The following NECAB1 variants were observed in gnomAD, a reference collection of about 807,000 sequenced individuals.
NECAB1 encodes the protein N-terminal EF-hand calcium-binding protein 1.
A neutral mutation model predicts 57.5 loss-of-function variants in NECAB1; 29 were observed. That is an observed-to-expected ratio of 0.50 (90% confidence interval 0.38 to 0.69). NECAB1 has a LOEUF of 0.69. Among genes scored for constraint, NECAB1 ranks in the 30% least tolerant of loss-of-function variants. The pLI, the probability that NECAB1 is intolerant of heterozygous loss-of-function variation, is 0.00. For synonymous variants in NECAB1, 142 were observed against 147.7 expected (o/e 0.96, Z 0.28); for missense variants, 372 against 413.8 (o/e 0.90, Z 0.88).
intron 10 of NECAB1, among the ~76,000 whole-genome samples, chr8:90,947,608 C>T (rs1381651024): frequency 6.6e-6 from 1 of 152,110 alleles, no homozygotes; most frequent in Non-Finnish European, 1.5e-5. Context: ...ACCATGTTGG[C>T]CAGGCTGGCC....
chr8:90,876,046 A>G (rs1205581213), intron 4 of NECAB1, among the ~76,000 whole-genome samples: 3 of 151,944 alleles, frequency 2.0e-5, no homozygotes, highest in Non-Finnish European at 4.4e-5. Flanking sequence ...AAGTAAAATA[A>G]AATAACTGAG....
At position 90,803,169 on chromosome 8, in the gene NECAB1, T is replaced by G. The variant is rs543036855; in HGVS notation, c.124+1454T>G. ...TCTTCGGCCTCCCAAAGTGCCGGGA[T>G]TACAAGCATGGGCCACTGCACCCGG... is the stretch of plus-strand genomic sequence containing the variant. On this transcript the variant is annotated intron_variant, in intron 2 of 12. Coordinates refer to ENST00000417640, the MANE Select transcript of NECAB1 (RefSeq NM_022351.5). Among the ~76,000 whole-genome samples, 139 of 152,300 alleles carry G rather than the reference T, an allele frequency of 9.1e-4. 1 individual carries two copies. Among genetic ancestry groups the G allele is most frequent in the African/African-American group, 3.2e-3 (134 of 41,566 alleles).
At chr8:90,952,419 A>C (rs1355414450) in intron 12 of NECAB1, among the ~76,000 whole-genome samples, 2 of 152,150 alleles carry the variant, frequency 1.3e-5, no homozygotes, top group Admixed American at 6.5e-5. Flanking sequence ...GGAAACCAAA[A>C]GAGTAAAATG....
At position 90,791,870 on chromosome 8, in the gene NECAB1, C is replaced by T. The variant is rs1391330008; in HGVS notation, c.-17C>T. On this transcript the variant is annotated 5_prime_UTR_variant, in exon 1 of 13. Coordinates refer to ENST00000417640, the MANE Select transcript of NECAB1 (RefSeq NM_022351.5). The stretch of plus-strand genomic sequence containing the variant: ...CGCCTAGCCCCGCTCCGCCTGAGGC[C>T]GTCAGGGCTCCCGAGGATGGAAGAT... The T allele has an allele frequency of 4.5e-6, 7 of 1,545,452 alleles. No homozygotes were observed. The highest frequency in any genetic ancestry group is 1.9e-4 in the Middle Eastern group (1 of 5,280).
At chr8:90,913,982 A>G in intron 5 of NECAB1, among the ~76,000 whole-genome samples, 1 of 152,188 alleles carries the variant, frequency 6.6e-6, no homozygotes, top group East Asian at 1.9e-4. Flanking sequence ...AATGTCTACA[A>G]CCAGCAAGGG....
At chr8:90,920,510 C>T (rs750393141) in intron 6 of NECAB1, among the ~76,000 whole-genome samples, 9 of 152,156 alleles carry the variant, frequency 5.9e-5, no homozygotes, top group Non-Finnish European at 1.3e-4. Context: ...CCAGTGAAAA[C>T]GCCTGATGGG....
intron 2 of NECAB1, among the ~76,000 whole-genome samples, chr8:90,811,797 A>C (rs1479750571): frequency 6.6e-6 from 1 of 152,226 alleles, no homozygotes; most frequent in Non-Finnish European, 1.5e-5. Context: ...CCAGTTCAAC[A>C]GGTCAGAATA....
intron 5 of NECAB1, among the ~76,000 whole-genome samples, chr8:90,916,749 C>T (rs1018031527): frequency 6.6e-6 from 1 of 152,136 alleles, no homozygotes; most frequent in African/African-American, 2.4e-5. Flanking sequence ...TGGTACCATC[C>T]ACAGCTCACC....
At chr8:90,850,752 T>A (rs1484300033) in intron 3 of NECAB1, among the ~76,000 whole-genome samples, 1 of 152,218 alleles carries the variant, frequency 6.6e-6, no homozygotes, top group African/African-American at 2.4e-5. Context: ...TATGATATTG[T>A]GATATAATTA....
intron 4 of NECAB1, among the ~76,000 whole-genome samples, chr8:90,875,541 A>T (rs1170074021): frequency 1.3e-5 from 2 of 149,138 alleles, no homozygotes; most frequent in African/African-American, 4.9e-5. Flanking sequence ...ATATTTACAG[A>T]TGAGCGAAGA....
intron 5 of NECAB1, among the ~76,000 whole-genome samples, chr8:90,883,752 T>C (rs570856986): frequency 6.6e-6 from 1 of 152,322 alleles, no homozygotes; most frequent in East Asian, 1.9e-4. Flanking sequence ...AAATTCCAAA[T>C]GGCCATTTGA....
At chr8:90,908,934 A>C (rs996612698) in intron 5 of NECAB1, among the ~76,000 whole-genome samples, 1 of 152,062 alleles carries the variant, frequency 6.6e-6, no homozygotes, top group African/African-American at 2.4e-5. Context: ...CATTTCTTTT[A>C]ATTTATAGGC....
At chr8:90,866,048 A>G (rs139043934) in intron 3 of NECAB1, among the ~76,000 whole-genome samples, 24 of 152,264 alleles carry the variant, frequency 1.6e-4, no homozygotes, top group African/African-American at 5.5e-4. Context: ...GAACAACTCA[A>G]AAATATTTGC....
chr8:90,876,957 C>A (rs1808739434), intron 4 of NECAB1, among the ~76,000 whole-genome samples: 1 of 152,098 alleles, frequency 6.6e-6, no homozygotes, highest in Admixed American at 6.5e-5. Context: ...TTCTAGTTAC[C>A]AAAGGAAAGC....
intron 9 of NECAB1, among the ~76,000 whole-genome samples, chr8:90,936,399 C>T (rs1030742831): frequency 3.9e-5 from 6 of 152,260 alleles, no homozygotes; most frequent in Non-Finnish European, 8.8e-5. Context: ...TAAACACATA[C>T]ATAACTCACT....
chr8:90,948,808 AC>A (rs560747810), intron 10 of NECAB1, among the ~76,000 whole-genome samples: 192 of 152,242 alleles, frequency 1.3e-3, no homozygotes, highest in Non-Finnish European at 2.2e-3. Flanking sequence ...ACTTTATAAT[AC>A]CCTCCATACA....
At chr8:90,870,457 A>G (rs1368211895) in intron 3 of NECAB1, among the ~76,000 whole-genome samples, 1 of 152,184 alleles carries the variant, frequency 6.6e-6, no homozygotes, top group African/African-American at 2.4e-5. Context: ...CTATGTTCTA[A>G]CTAAAAAAAC....
rs143813691 is a variant in NECAB1 at position 90,849,294 on chromosome 8, C to A, written c.234-22834C>A. ...AACCAGACTGGGCAACATAGCAAGA[C>A]CCTGTCTCTACAGAAAATTAAATAA... On this transcript the variant is annotated intron_variant, in intron 3 of 12. Coordinates refer to ENST00000417640, the MANE Select transcript of NECAB1 (RefSeq NM_022351.5). 2.0e-3 allele frequency among the ~76,000 whole-genome samples: 308 copies of A among 152,106 alleles called. 5 individuals are homozygous for A. In the East Asian group the frequency reaches 0.044, roughly 22 times the overall value.
At chr8:90,871,057 GT>G (rs1317735192) in intron 3 of NECAB1, among the ~76,000 whole-genome samples, 1 of 152,086 alleles carries the variant, frequency 6.6e-6, no homozygotes, top group Non-Finnish European at 1.5e-5. Flanking sequence ...TGTTTGGAAT[GT>G]TTATACCAAT....
Sources: allele counts gnomAD v4.1 joint callset (sites outside exome capture counted in the v4.1 genomes callset), GRCh38; gene constraint gnomAD v4.1.1; transcripts MANE v1.5; gene names NCBI Gene and HGNC (gene_info 2026-07-23, HGNC 2026-07-21).